The following SLCO3A1 variants were observed in gnomAD, a reference collection of about 807,000 sequenced individuals.
SLCO3A1 encodes solute carrier organic anion transporter family member 3A1.
In SLCO3A1, 27 loss-of-function variants were observed where a neutral mutation model predicts 63.1. The observed-to-expected ratio is 0.43, with a 90% CI of 0.32 to 0.59. SLCO3A1 has a LOEUF of 0.59. SLCO3A1 is among the 20% of genes least tolerant of loss of function. SLCO3A1 has a pLI of 0.09. For missense variants in SLCO3A1, 773 were observed against 945.8 expected (o/e 0.82, Z 2.40); for synonymous variants, 473 against 409.9 (o/e 1.15, Z -1.86).
chr15:92,072,295 G>GTTTTCT (rs932289667), intron 2 of SLCO3A1, among the ~76,000 whole-genome samples: 4 of 148,140 alleles, frequency 2.7e-5, no homozygotes, highest in South Asian at 2.1e-4. Flanking sequence ...CTCAACCTTT[G>GTTTTCT]TTTTCTTTTT....
intron 2 of SLCO3A1, among the ~76,000 whole-genome samples, chr15:92,077,593 GGTGGA>G (rs2047294308): frequency 6.6e-6 from 1 of 152,166 alleles, no homozygotes; most frequent in Admixed American, 6.5e-5. Context: ...TTCCACTGGT[GGTGGA>G]GCACGAGGTG....
At chr15:91,955,021 C>G (rs1412452276) in intron 2 of SLCO3A1, among the ~76,000 whole-genome samples, 1 of 152,148 alleles carries the variant, frequency 6.6e-6, no homozygotes, top group East Asian at 1.9e-4. Flanking sequence ...CCAGGGTCAC[C>G]TTGTCGTCCT....
chr15:92,043,100 T>G (rs1272890363), intron 2 of SLCO3A1, among the ~76,000 whole-genome samples: 2 of 151,810 alleles, frequency 1.3e-5, no homozygotes, highest in Admixed American at 1.3e-4. Context: ...GCCCAGTTGT[T>G]TGAGCTGTGA....
intron 7 of SLCO3A1, among the ~76,000 whole-genome samples, chr15:92,144,609 C>T (rs2048195975): frequency 6.6e-6 from 1 of 152,214 alleles, no homozygotes; most frequent in Non-Finnish European, 1.5e-5. Flanking sequence ...AAATAATCAG[C>T]TCAAAATATT....
rs986317196 is a variant in SLCO3A1, at chr15:92,033,051, G to A, written c.647-61830G>A. On this transcript the variant is annotated intron_variant, in intron 2 of 9. Transcript: ENST00000318445. This position sits in a 1 kb window ranked among gnomAD's most constrained non-coding sequence, Gnocchi z 4.5. ...GATGTGGGTTTAGCACTTAGAGCAT[G>A]GATCAGAGCAAGGTATGTACAGGAA... is the stretch of plus-strand genomic sequence containing the variant. Among the ~76,000 whole-genome samples the A allele has an allele frequency of 6.6e-6, 1 of 152,084 alleles. No individual in the cohort carries two copies. The highest frequency in any genetic ancestry group is 6.5e-5 in the Admixed American group (1 of 15,274).
intron 2 of SLCO3A1, among the ~76,000 whole-genome samples, chr15:91,920,633 C>T (rs1303477599): frequency 6.6e-6 from 1 of 152,158 alleles, no homozygotes; most frequent in Admixed American, 6.5e-5. Flanking sequence ...TCAGCTCTTT[C>T]CAGCAGTGTG....
intron 2 of SLCO3A1, among the ~76,000 whole-genome samples, chr15:92,082,770 C>T (rs1028597754): frequency 6.6e-6 from 1 of 152,206 alleles, no homozygotes; most frequent in African/African-American, 2.4e-5. Flanking sequence ...ACCAGGATTC[C>T]AGCCTGGTAG....
chr15:91,950,481 C>A lies in SLCO3A1; in HGVS notation c.646+34023C>A, dbSNP rs544943724. The stretch of plus-strand genomic sequence containing the variant: ...ATTAGGAAGGGCAGATGAGCCCCTG[C>A]AGGGGAACGTTGTGCAGTATGGCAG... On this transcript the variant is annotated intron_variant, in intron 2 of 9. Coordinates refer to ENST00000318445, the MANE Select transcript of SLCO3A1 (RefSeq NM_013272.4). The surrounding 1 kb of genome is among the most constrained non-coding windows in gnomAD (Gnocchi z 4.4). Among the ~76,000 whole-genome samples, 7 of 152,352 alleles carry A rather than the reference C, an allele frequency of 4.6e-5. No homozygotes were observed. Among genetic ancestry groups the A allele is most frequent in the Admixed American group, 1.3e-4 (2 of 15,310 alleles).
At chr15:91,931,049 T>A (rs6496872) in intron 2 of SLCO3A1, among the ~76,000 whole-genome samples, 1 of 151,614 alleles carries the variant, frequency 6.6e-6, no homozygotes, top group Admixed American at 6.6e-5. Context: ...TTTATAGATG[T>A]GGAGCTGGAA....
chr15:92,107,714 T>C (rs982946708), intron 4 of SLCO3A1, among the ~76,000 whole-genome samples: 4 of 152,226 alleles, frequency 2.6e-5, no homozygotes, highest in Non-Finnish European at 5.9e-5. Flanking sequence ...AAAGGCCCCC[T>C]GATAAGAGCT....
chr15:92,073,332 T>C (rs2047238896), intron 2 of SLCO3A1, among the ~76,000 whole-genome samples: 1 of 152,218 alleles, frequency 6.6e-6, no homozygotes, highest in Non-Finnish European at 1.5e-5. Flanking sequence ...CACGACATTC[T>C]ACCCCGTGGA....
chr15:92,045,269 G>C (rs1356866489), intron 2 of SLCO3A1, among the ~76,000 whole-genome samples: 1 of 104,944 alleles, frequency 9.5e-6, no homozygotes, highest in Admixed American at 1.2e-4. Flanking sequence ...GACAGAGCAA[G>C]ACTCCATCTC....
chr15:92,046,288 A>G (rs2892289), intron 2 of SLCO3A1, among the ~76,000 whole-genome samples: 6,357 of 151,912 alleles, frequency 0.042, 411 homozygotes, highest in African/African-American at 0.15. Flanking sequence ...GCCGAGACGG[A>G]TGGGTCACTT....
intron 2 of SLCO3A1, among the ~76,000 whole-genome samples, chr15:92,025,285 G>T (rs1339038554): frequency 6.6e-6 from 1 of 151,768 alleles, no homozygotes; most frequent in Non-Finnish European, 1.5e-5. Flanking sequence ...AGCACTTAAG[G>T]ATACAGGCTC....
intron 4 of SLCO3A1, among the ~76,000 whole-genome samples, chr15:92,116,351 G>T (rs887310380): frequency 1.3e-5 from 2 of 152,188 alleles, no homozygotes; most frequent in African/African-American, 4.8e-5. Context: ...TAGAAAACCT[G>T]TTTTCCCTAG....
Position 91,862,142 on chromosome 15 carries a change from A to T in SLCO3A1, c.180+8054A>T, listed in dbSNP as rs895134503. On this transcript the variant is annotated intron_variant, in intron 1 of 9. Transcript: ENST00000318445. This position sits in a 1 kb window ranked among gnomAD's most constrained non-coding sequence, Gnocchi z 4.0. ...GAGAGCCCACTGACTGTAATGATGA[A>T]GTCTTATTTTTTTATTTTTTATTTT... is the stretch of plus-strand genomic sequence containing the variant. Among the ~76,000 whole-genome samples, 2 of 151,614 alleles carry T rather than the reference A, an allele frequency of 1.3e-5. No individual in the cohort carries two copies. The highest frequency in any genetic ancestry group is 2.4e-5 in the African/African-American group (1 of 41,092).
At chr15:91,963,498 C>T (rs1426369345) in intron 2 of SLCO3A1, among the ~76,000 whole-genome samples, 3 of 151,936 alleles carry the variant, frequency 2.0e-5, no homozygotes. Flanking sequence ...AACCAATGCC[C>T]CAAATAACAT....
chr15:92,003,558 A>T (rs1212901706), intron 2 of SLCO3A1, among the ~76,000 whole-genome samples: 6 of 152,208 alleles, frequency 3.9e-5, no homozygotes. Context: ...TTATTCCTTC[A>T]TCAGACCTTC....
At chr15:91,889,045 A>G (rs563878661) in intron 1 of SLCO3A1, 41 of 701,208 alleles carry the variant, frequency 5.8e-5, no homozygotes, top group Non-Finnish European at 6.3e-5. Context: ...AAAAAAAAAA[A>G]CCTACAATTA....
Sources: gnomAD v4.1 joint callset for allele counts (sites outside exome capture counted in the v4.1 genomes callset) on GRCh38, gnomAD v4.1.1 for gene constraint, Gnocchi (gnomAD v3.1) non-coding constraint, MANE v1.5 for transcripts, NCBI Gene and HGNC (gene_info 2026-07-23, HGNC 2026-07-21) for gene names.